Variants in FCSK observed in about 807,000 individuals in gnomAD.
The protein encoded by FCSK is L-fucose kinase.
FCSK carries 123 observed loss-of-function variants against 122.5 expected under a neutral mutation model. The observed-to-expected ratio is 1.00, with a 90% CI of 0.87 to 1.17. FCSK has a LOEUF of 1.17. Ranked by LOEUF, FCSK falls within the 50% of genes most tolerant of loss-of-function variation. The pLI is 0.00. For synonymous variants in FCSK, 620 were observed against 625.5 expected, an observed-to-expected ratio of 0.99 and a Z score of 0.13; for missense variants, 1,366 against 1,450.4, an observed-to-expected ratio of 0.94 and a Z score of 0.95.
chr16:70,479,706 A>C lies in FCSK; in HGVS notation c.*26A>C. 6.3e-7 allele frequency: 1 copy of C among 1,586,790 alleles called. No homozygotes were observed. Among genetic ancestry groups the C allele is most frequent in the Non-Finnish European group, 8.6e-7 (1 of 1,156,990 alleles). ...AGCTGGCTTCTCTCTGCAACAGGAG[A>C]AAACCTGGAGCTACAGTGTCCCCCA... On this transcript the variant is annotated 3_prime_UTR_variant, in exon 24 of 24. Transcript: ENST00000288078.
At chr16:70,470,514 G>C in intron 11 of FCSK, 88 bp downstream of exon 11, 1 of 814,806 alleles carries the variant, frequency 1.2e-6, no homozygotes, top group Non-Finnish European at 2.0e-6. Flanking sequence ...CCGGCACTTG[G>C]AACAGATGAC....
chr16:70,455,901 A>G (rs1341068371), intron 1 of FCSK, among the ~76,000 whole-genome samples: 20 of 151,738 alleles, frequency 1.3e-4, no homozygotes, highest in Non-Finnish European at 1.5e-5. Context: ...AAAAAAAAAA[A>G]GCCAGGCATG....
At chr16:70,475,246 T>G in intron 18 of FCSK, 104 bp from the exon 19 acceptor site, 1 of 1,371,986 alleles carries the variant, frequency 7.3e-7, no homozygotes, top group South Asian at 1.3e-5. Flanking sequence ...TGGGCTTTTG[T>G]CCCACCGGAT....
chr16:70,469,101 G>GTTCA, intron 9 of FCSK, 51 bp from the exon 10 acceptor site: 1 of 1,611,294 alleles, frequency 6.2e-7, no homozygotes, highest in South Asian at 1.1e-5. Flanking sequence ...TCAGAACTTG[G>GTTCA]GGGCTGAACC....
At chr16:70,467,806 C>T (rs2048470255) in intron 7 of FCSK, 80 bp from the exon 8 acceptor site, 1 of 1,233,220 alleles carries the variant, frequency 8.1e-7, no homozygotes, top group Non-Finnish European at 1.2e-6. Context: ...GGAGAATGCC[C>T]TTGCTGCCAC....
chr16:70,479,035 G>T, intron 22 of FCSK, 145 bp from the exon 23 acceptor site: 1 of 679,554 alleles, frequency 1.5e-6, no homozygotes, highest in Non-Finnish European at 2.5e-6. Flanking sequence ...TGGGAAGTGG[G>T]TTACTCCTGG....
chr16:70,475,733 C>G lies in FCSK; in HGVS notation c.2607C>G (p.His869Gln), dbSNP rs770527523. ...TGGTGGGCACGGAAGCCCTGATCCACGCAGTGCTGCACCTGGAGCAGGTGC... is the reference window on the plus strand; with the variant it reads ...TGGTGGGCACGGAAGCCCTGATCCAGGCAGTGCTGCACCTGGAGCAGGTGC... ...GRVVGTEALI[H>Q]AVLHLEQVLT... Residue 869 changes from histidine to glutamine, a missense_variant, in exon 20 of 24, where the codon CAC becomes CAG. His to Gln is a conservative substitution (Grantham distance 24). Coordinates refer to ENST00000288078, the MANE Select transcript of FCSK (RefSeq NM_145059.3). The G allele has an allele frequency of 1.2e-6, 2 of 1,602,188 alleles. No homozygotes were observed. The highest frequency in any genetic ancestry group is 1.3e-5 in the African/African-American group (1 of 74,836).
At chr16:70,463,067 A>C in intron 1 of FCSK, 102 bp from the exon 2 acceptor site, 1 of 707,322 alleles carries the variant, frequency 1.4e-6, no homozygotes, top group Non-Finnish European at 2.3e-6. Context: ...TACCAACACG[A>C]ATCTATACAC....
At chr16:70,475,251 C>T (rs1395942756) in intron 18 of FCSK, 99 bp from the exon 19 acceptor site, 1 of 1,418,428 alleles carries the variant, frequency 7.1e-7, no homozygotes, top group Non-Finnish European at 9.6e-7. Context: ...TTTTGTCCCA[C>T]CGGATGAGTC....
In FCSK at chr16:70,471,121, G is replaced by A. The variant is rs370943475; in HGVS notation, c.1170+49G>A. 129 of 1,589,568 alleles carry A rather than the reference G, an allele frequency of 8.1e-5. No homozygotes were observed. The African/African-American group carries it at 1.1e-3, about 13-fold the overall frequency. On this transcript the variant is annotated intron_variant, in intron 12 of 23. Coordinates refer to ENST00000288078, the MANE Select transcript of FCSK (RefSeq NM_145059.3). The stretch of plus-strand genomic sequence containing the variant: ...ATTGGGGCGAGGGTGCTGGCATCCC[G>A]CATGTGTTGGGGGGTGTTGGGTGCC...
chr16:70,472,247 G>A (rs1487419505), intron 13 of FCSK, among the ~76,000 whole-genome samples: 2 of 152,302 alleles, frequency 1.3e-5, no homozygotes, highest in Non-Finnish European at 2.9e-5. Flanking sequence ...GCACCTTGGC[G>A]GGAGTGTTGG....
chr16:70,455,244 AC>A (rs756658824), intron 1 of FCSK, among the ~76,000 whole-genome samples: 4 of 152,160 alleles, frequency 2.6e-5, no homozygotes, highest in Non-Finnish European at 5.9e-5. Flanking sequence ...TGGCTCCCCA[AC>A]CCTATCCCAG....
intron 10 of FCSK, 27 bp downstream of exon 10, chr16:70,469,350 G>C (rs1174189095): frequency 1.9e-6 from 3 of 1,558,386 alleles, no homozygotes; most frequent in Non-Finnish European, 2.6e-6. Context: ...AGCTCCCTGG[G>C]GTGGGGAGAC....
chr16:70,475,778 G>A lies in FCSK; in HGVS notation c.2641+11G>A. 6.4e-7 allele frequency: 1 copy of A among 1,554,112 alleles called. No individual in the cohort carries two copies. The highest frequency in any genetic ancestry group is 1.2e-5 in the South Asian group (1 of 85,188). ...AGGTGCTCACCACTGGTATGTGACT[G>A]CCCTGGAGTTGGAGGAGGTCACTGA... On this transcript the variant is annotated intron_variant, in intron 20 of 23. Transcript: ENST00000288078.
intron 14 of FCSK, 38 bp downstream of exon 14, chr16:70,472,643 C>T: frequency 6.6e-7 from 1 of 1,518,648 alleles, no homozygotes; most frequent in Non-Finnish European, 9.1e-7. Flanking sequence ...TGGGCCTGGG[C>T]AGCTGGGGTG....
chr16:70,469,184 G>T lies in FCSK; in HGVS notation c.816G>T (p.Met272Ile), dbSNP rs763826695. 2 of 1,614,170 alleles carry T rather than the reference G, an allele frequency of 1.2e-6. No individual in the cohort carries two copies. The highest frequency in any genetic ancestry group is 2.2e-5 in the South Asian group (2 of 91,084). ...TGTTTTTTGACATTCTCCACTGCAT[G>T]GCTGAGAACGTGACCAGGGAGGACT... Reference protein sequence around the residue: ...LSLFFDILHCMAENVTREDFL... With the variant: ...LSLFFDILHCIAENVTREDFL... The change falls in exon 10 of 24, where the codon ATG (methionine) becomes ATT (isoleucine). Residue 272 changes from methionine to isoleucine, a missense_variant. Physicochemically the swap from Met to Ile is conservative, Grantham distance 10. Transcript: ENST00000288078.
Position 70,478,372 on chromosome 16 carries a change from G to C in FCSK, c.2742G>C (p.Thr914=). 1.9e-6 allele frequency: 3 copies of C among 1,614,214 alleles called. No individual in the cohort carries two copies. The highest frequency in any genetic ancestry group is 2.5e-6 in the Non-Finnish European group (3 of 1,180,040). Residue 914 remains threonine (T), a synonymous_variant, in exon 21 of 24, where the codon ACG becomes ACC. Coordinates refer to ENST00000288078, the MANE Select transcript of FCSK (RefSeq NM_145059.3). ...TGAAGGTGGAGGTAGAAGAGGTCAC[G>C]GTGCCTGAGGGCTTTGTCCAGAAGC... ...LPLKVEVEEV[T]VPEGFVQKLN... is the part of the protein sequence containing the mutation.
intron 3 of FCSK, among the ~76,000 whole-genome samples, chr16:70,464,589 T>G (rs1597610590): frequency 7.6e-6 from 1 of 132,360 alleles, no homozygotes; most frequent in Non-Finnish European, 1.5e-5. Flanking sequence ...GAGGTGGAGG[T>G]TGCAGTGAGC....
chr16:70,470,671 T>C (rs894297998), intron 11 of FCSK, among the ~76,000 whole-genome samples: 1 of 152,150 alleles, frequency 6.6e-6, no homozygotes, highest in African/African-American at 2.4e-5. Flanking sequence ...AGGAGACCTT[T>C]ATTTGGGGTC....
Sources: gnomAD v4.1 joint callset for allele counts (sites outside exome capture counted in the v4.1 genomes callset) on GRCh38, gnomAD v4.1.1 for gene constraint, MANE v1.5 for transcripts, NCBI Gene and HGNC (gene_info 2026-07-23, HGNC 2026-07-21) for gene names.